The following TMT1B variants were observed in gnomAD, a reference collection of about 807,000 sequenced individuals.
TMT1B encodes the protein thiol methyltransferase 1B.
At chr12:55,682,245 T>G in the TMT1B span, 1 of 1,609,342 alleles carries the variant, frequency 6.2e-7, no homozygotes, top group South Asian at 1.1e-5. Flanking sequence ...CGGAGAGTAC[T>G]GAGACCGGTA....
chr12:55,682,293 C>T, the TMT1B span: 49 of 1,578,876 alleles, frequency 3.1e-5, no homozygotes, highest in Middle Eastern at 2.2e-4. Flanking sequence ...GGCAGGCAAA[C>T]GCAGCATCAG....
At chr12:55,682,977 A>G in the TMT1B span, among the ~76,000 whole-genome samples, 78 of 152,218 alleles carry the variant, frequency 5.1e-4, no homozygotes, top group African/African-American at 1.9e-3. Context: ...AACTGAGGGG[A>G]GAGCTGATGA....
the TMT1B span, chr12:55,681,767 G>A: frequency 6.4e-7 from 1 of 1,550,536 alleles, no homozygotes; most frequent in Non-Finnish European, 8.7e-7. Flanking sequence ...GGACATCCTG[G>A]TCCCACTCCT....
the TMT1B span, chr12:55,684,287 G>A: frequency 4.0e-6 from 2 of 501,906 alleles, no homozygotes; most frequent in Non-Finnish European, 7.3e-6. Flanking sequence ...GAAACACTAG[G>A]ACCCTGTTGT....
the TMT1B span, chr12:55,682,292 AC>A: frequency 6.3e-7 from 1 of 1,579,798 alleles, no homozygotes. Flanking sequence ...GGGCAGGCAA[AC>A]GCAGCATCAG....
chr12:55,684,144 C>G, the TMT1B span: 1 of 1,162,596 alleles, frequency 8.6e-7, no homozygotes, highest in Admixed American at 1.9e-5. Flanking sequence ...CTGAGAGGGA[C>G]CTAGCAGAAT....
At chr12:55,682,457 T>C in the TMT1B span, among the ~76,000 whole-genome samples, 1 of 151,954 alleles carries the variant, frequency 6.6e-6, no homozygotes, top group Non-Finnish European at 1.5e-5. Context: ...GAGGATCACC[T>C]ACCACCATGG....
chr12:55,683,816 G>A, the TMT1B span: 8 of 1,613,950 alleles, frequency 5.0e-6, no homozygotes, highest in Non-Finnish European at 6.8e-6. Context: ...CTCCCAGGGA[G>A]GTGTGCTCTT....
chr12:55,681,888 C>T, the TMT1B span: 1 of 1,611,346 alleles, frequency 6.2e-7, no homozygotes, highest in Non-Finnish European at 8.5e-7. Flanking sequence ...GTGCTGACTC[C>T]CAAGAGCAAC....
At chr12:55,683,034 G>T in the TMT1B span, among the ~76,000 whole-genome samples, 1 of 152,170 alleles carries the variant, frequency 6.6e-6, no homozygotes, top group Non-Finnish European at 1.5e-5. Flanking sequence ...GGACTTACTA[G>T]GTTTGAGATC....
At chr12:55,683,498 A>T in the TMT1B span, among the ~76,000 whole-genome samples, 1 of 151,708 alleles carries the variant, frequency 6.6e-6, no homozygotes, top group Non-Finnish European at 1.5e-5. Flanking sequence ...CTGTCTCAAA[A>T]AATAATAATA....
the TMT1B span, chr12:55,682,139 G>A: frequency 6.2e-7 from 1 of 1,614,082 alleles, no homozygotes; most frequent in Non-Finnish European, 8.5e-7. Flanking sequence ...TCCTGGAGAG[G>A]ACATGAGACA....
chr12:55,684,374 T>TAA, the TMT1B span: 2 of 311,660 alleles, frequency 6.4e-6, no homozygotes, highest in South Asian at 6.5e-5. Flanking sequence ...GTTCCCATGG[T>TAA]AAAGCTCCTC....
the TMT1B span, among the ~76,000 whole-genome samples, chr12:55,682,624 A>AG: frequency 1.3e-5 from 2 of 151,712 alleles, no homozygotes; most frequent in Non-Finnish European, 2.9e-5. Flanking sequence ...AAAAAAAAAA[A>AG]AAAATACAAA....
the TMT1B span, among the ~76,000 whole-genome samples, chr12:55,683,471 A>C: frequency 6.6e-6 from 1 of 152,084 alleles, no homozygotes. Flanking sequence ...CTCCAGCCTG[A>C]GCAACAGACT....
chr12:55,682,897 G>C, the TMT1B span, among the ~76,000 whole-genome samples: 1 of 152,174 alleles, frequency 6.6e-6, no homozygotes. Flanking sequence ...AGATAGTAGG[G>C]GAAGTAGAGT....
chr12:55,682,025 G>A, the TMT1B span: 1 of 1,614,250 alleles, frequency 6.2e-7, no homozygotes, highest in South Asian at 1.1e-5. Context: ...CTACCCACCG[G>A]GCTGCAGGGT....
chr12:55,681,871 G>T, the TMT1B span: 3 of 1,604,060 alleles, frequency 1.9e-6, no homozygotes, highest in African/African-American at 4.0e-5. Context: ...TCCCCTACCT[G>T]ATGGCCGTGC....
At chr12:55,682,777 C>T in the TMT1B span, among the ~76,000 whole-genome samples, 3 of 142,448 alleles carry the variant, frequency 2.1e-5, no homozygotes, top group Admixed American at 7.3e-5. Flanking sequence ...GAGTGAGACC[C>T]TGTATCAAAA....
Sources: gnomAD v4.1 joint callset for allele counts (sites outside exome capture counted in the v4.1 genomes callset) on GRCh38, gnomAD v4.1.1 for gene constraint, MANE v1.5 for transcripts, NCBI Gene and HGNC (gene_info 2026-07-23, HGNC 2026-07-21) for gene names.